The following TSC2 variants were observed in gnomAD, a reference collection of about 807,000 sequenced individuals.
The protein encoded by TSC2 is TSC complex subunit 2, also known as tuberin.
A neutral mutation model predicts 202.2 loss-of-function variants in TSC2; 29 were observed. The observed-to-expected ratio is 0.14, with a 90% CI of 0.11 to 0.20. The LOEUF is 0.20. Among genes scored for constraint, TSC2 ranks in the 10% least tolerant of loss-of-function variants. The pLI is 1.00. For missense variants in TSC2, 2,429 were observed against 2,420.0 expected (o/e 1.00, Z -0.08); for synonymous variants, 1,349 against 1,044.0 (o/e 1.29, Z -5.63).
rs1060500968 is a variant in TSC2 at position 2,079,640 on chromosome 16, G to A, written c.3368G>A (p.Gly1123Glu). Residue 1123 changes from glycine to glutamate, a missense_variant, in exon 29 of 42, where the codon GGG becomes GAG. Coordinates refer to ENST00000219476, the MANE Select transcript of TSC2 (RefSeq NM_000548.5). This position sits in a 1 kb window ranked among gnomAD's most constrained non-coding sequence, Gnocchi z 4.6. Reference sequence around the variant, plus strand: ...CAGGCTGGGCAGCAGGTGTCCCGTGGGGCCCGGGATCGGGTCCGTTCCATG... The same window carrying A: ...CAGGCTGGGCAGCAGGTGTCCCGTGAGGCCCGGGATCGGGTCCGTTCCATG... ...ESQAGQQVSR[G>E]ARDRVRSMSG... 3 of 1,606,654 alleles carry A rather than the reference G, an allele frequency of 1.9e-6. No individual in the cohort carries two copies. The highest frequency in any genetic ancestry group is 2.7e-5 in the African/African-American group (2 of 74,856).
At chr16:2,087,379 G>A (rs2090951327) in intron 38 of TSC2, among the ~76,000 whole-genome samples, 1 of 152,122 alleles carries the variant, frequency 6.6e-6, no homozygotes, top group African/African-American at 2.4e-5. Context: ...AAGGGCCCCA[G>A]GATGCTGAGG....
chr16:2,051,863 G>A (rs1339749412), intron 3 of TSC2, among the ~76,000 whole-genome samples: 1 of 152,214 alleles, frequency 6.6e-6, no homozygotes, highest in South Asian at 2.1e-4. Flanking sequence ...TGAGGAGTTC[G>A]AGACCCGCCT....
intron 26 of TSC2, among the ~76,000 whole-genome samples, chr16:2,077,976 C>T (rs2089643723): frequency 1.3e-5 from 2 of 152,334 alleles, no homozygotes; most frequent in South Asian, 4.1e-4. Flanking sequence ...GCGTGCCGGG[C>T]AGCAGCCTCC....
rs756358402 is a variant in TSC2, at chr16:2,088,323, C to T, written c.5257C>T (p.Arg1753Trp). Residue 1753 changes from arginine (R) to tryptophan (W), a missense_variant and splice_region_variant, in exon 41 of 42, where the codon CGG becomes TGG. Coordinates refer to ENST00000219476, the MANE Select transcript of TSC2 (RefSeq NM_000548.5). ...RLRHIKRLRQ[R>W]ICEEAAYSNP... ...CCGCCACATCAAGCGGCTCCGCCAGCGGGTAGGGAATATGGGGCTCCCTCA... is the reference window on the plus strand; with the variant it reads ...CCGCCACATCAAGCGGCTCCGCCAGTGGGTAGGGAATATGGGGCTCCCTCA... 19 of 1,612,624 alleles carry T rather than the reference C, an allele frequency of 1.2e-5. No homozygotes were observed. The highest frequency in any genetic ancestry group is 2.2e-5 in the East Asian group (1 of 44,880).
chr16:2,072,674 G>A, intron 20 of TSC2, 175 bp from the exon 21 acceptor site: 2 of 1,053,756 alleles, frequency 1.9e-6, no homozygotes, highest in South Asian at 1.5e-5. Flanking sequence ...TGTGTTACTT[G>A]GCAGGCACTC....
chr16:2,088,020 G>A, intron 39 of TSC2, 28 bp from the exon 40 acceptor site: 2 of 1,612,830 alleles, frequency 1.2e-6, no homozygotes, highest in Non-Finnish European at 1.7e-6. Flanking sequence ...AGAGCCCTGG[G>A]CCTGGCGTGA....
At chr16:2,054,103 GCGGT>G (rs930869277) in intron 4 of TSC2, 189 bp from the exon 5 acceptor site, 14 of 813,176 alleles carry the variant, frequency 1.7e-5, no homozygotes, top group Non-Finnish European at 2.5e-5. Context: ...ACGCCGCTCT[GCGGT>G]CGGCCGGTGC....
intron 11 of TSC2, chr16:2,061,378 C>T (rs2086621292): frequency 3.4e-6 from 1 of 297,020 alleles, no homozygotes. Flanking sequence ...GACTGAAGTC[C>T]TCTCAGAGCC....
chr16:2,061,884 C>G lies in TSC2; in HGVS notation c.1133C>G (p.Pro378Arg), dbSNP rs45517154. 1.2e-6 allele frequency: 2 copies of G among 1,614,132 alleles called. No individual in the cohort carries two copies. Among genetic ancestry groups the G allele is most frequent in the Non-Finnish European group, 1.7e-6 (2 of 1,180,024 alleles). ...LLQQLQTLDS[P>R]ELRTIVHDLL... ...CTGGTACTGCAGACCTTGGACAGCC[C>G]GGAGCTCAGGACCATCGTCCATGAC... The change falls in exon 12 of 42, where the codon CCG (proline) becomes CGG (arginine). Residue 378 changes from proline to arginine, a missense_variant. Transcript: ENST00000219476.
chr16:2,074,123 A>G, intron 21 of TSC2, 77 bp from the exon 22 acceptor site: 4 of 1,580,854 alleles, frequency 2.5e-6, no homozygotes, highest in Non-Finnish European at 3.4e-6. Context: ...CCGGTGGAGC[A>G]CTCGAGGTTG....
In TSC2 at chr16:2,061,223, G is replaced by A. The variant is rs547881040; in HGVS notation, c.1119+410G>A. 9.6e-5 allele frequency: 31 copies of A among 323,030 alleles called. No individual in the cohort carries two copies. The East Asian group carries it at 1.1e-3, about 11-fold the overall frequency. 20.0% of individuals were successfully genotyped at this position (323,030 alleles called of 1,614,324 possible). ...TTTAAGGAGGACTCCACGGCCACAC[G>A]GGCTCATCAGCATAGGGGCCCTGGG... On this transcript the variant is annotated intron_variant, in intron 11 of 41. Coordinates refer to ENST00000219476, the MANE Select transcript of TSC2 (RefSeq NM_000548.5).
intron 20 of TSC2, 50 bp from the exon 21 acceptor site, chr16:2,072,799 C>T: frequency 1.2e-6 from 2 of 1,612,474 alleles, no homozygotes; most frequent in East Asian, 2.2e-5. Flanking sequence ...TCTGGCTACC[C>T]CGTGACCTGG....
chr16:2,074,429 C>T (rs527344770), intron 22 of TSC2, 40 bp downstream of exon 22: 7 of 1,602,622 alleles, frequency 4.4e-6, no homozygotes, highest in Admixed American at 3.3e-5. Flanking sequence ...CCGAGAGGTT[C>T]GGGCTGTGTA....
chr16:2,060,914 G>A (rs1441661903), intron 11 of TSC2, 101 bp downstream of exon 11: 9 of 1,410,756 alleles, frequency 6.4e-6, no homozygotes, highest in African/African-American at 1.4e-5. Context: ...TGGGGGTCCC[G>A]CAGAGACTGC....
intron 25 of TSC2, among the ~76,000 whole-genome samples, chr16:2,077,222 C>G (rs2089516409): frequency 6.6e-6 from 1 of 152,188 alleles, no homozygotes; most frequent in Non-Finnish European, 1.5e-5. Context: ...GGCCTCAGTG[C>G]CGCCTCGGTC....
chr16:2,072,095 C>T (rs2088519460), intron 19 of TSC2, 146 bp from the exon 20 acceptor site: 2 of 1,519,356 alleles, frequency 1.3e-6, no homozygotes, highest in South Asian at 1.2e-5. Context: ...GGGACAGAGG[C>T]CTGCGCTGGG....
chr16:2,048,186 G>A (rs1208479026), intron 1 of TSC2, 121 bp downstream of exon 1: 2 of 1,536,112 alleles, frequency 1.3e-6, no homozygotes, highest in African/African-American at 2.8e-5. Flanking sequence ...CGACTCCGGA[G>A]CTCCGAGCAT....
chr16:2,057,291 A>G lies in TSC2; in HGVS notation c.848+113A>G, dbSNP rs56077830. The G allele has an allele frequency of 2.3e-3, 2,965 of 1,304,088 alleles. 46 individuals are homozygous for G. In the African/African-American group the frequency reaches 0.038, roughly 17 times the overall value. The allele number at this position is 1,304,088 out of a possible 1,614,324, so 80.8% of individuals were successfully genotyped here. ...TTAGAGAGTCCTTGTCCTCTCGGGC[A>G]GCTGTTCCAGAGGCTGCCACTAGAG... On this transcript the variant is annotated intron_variant, in intron 9 of 41. Coordinates refer to ENST00000219476, the MANE Select transcript of TSC2 (RefSeq NM_000548.5).
Position 2,072,957 on chromosome 16 carries a change from C to T in TSC2, c.2329C>T (p.His777Tyr), listed in dbSNP as rs1349953143. ...AGTGCTGACAGCATTAATCTCTTAC[C>T]ATAACTACCTGGACAAAACCAAACA... is the stretch of plus-strand genomic sequence containing the variant. The part of the protein sequence containing the change: ...VPVLTALISY[H>Y]NYLDKTKQRE... The change falls in exon 21 of 42, where the codon CAT becomes TAT. Residue 777 changes from histidine (H) to tyrosine (Y), a missense_variant. Coordinates refer to ENST00000219476, the MANE Select transcript of TSC2 (RefSeq NM_000548.5). 6.2e-7 allele frequency: 1 copy of T among 1,613,560 alleles called. No individual in the cohort carries two copies. Among genetic ancestry groups the T allele is most frequent in the Non-Finnish European group, 8.5e-7 (1 of 1,180,028 alleles).
Sources: gnomAD v4.1 joint callset for allele counts (sites outside exome capture counted in the v4.1 genomes callset) on GRCh38, gnomAD v4.1.1 for gene constraint, Gnocchi (gnomAD v3.1) non-coding constraint, MANE v1.5 for transcripts, NCBI Gene and HGNC (gene_info 2026-07-23, HGNC 2026-07-21) for gene names.